The following ATP1A4 variants were observed in gnomAD, a reference collection of about 807,000 sequenced individuals.
ATP1A4 encodes the protein sodium/potassium-transporting ATPase subunit alpha-4.
Under a neutral mutation model 114.3 loss-of-function variants are expected in ATP1A4, and 90 were observed. The observed-to-expected ratio is 0.79, with a 90% CI of 0.66 to 0.94. The LOEUF is 0.94. ATP1A4 is among the 40% of genes least tolerant of loss of function. The probability of loss-of-function intolerance (pLI) is 0.00; values close to 1 mark genes in which losing one functional copy is unlikely to be tolerated. For synonymous variants in ATP1A4, 511 were observed against 494.1 expected (o/e 1.03, Z -0.45); for missense variants, 1,222 against 1,313.6 (o/e 0.93, Z 1.08).
chr1:160,153,350 T>G (rs1652526041), intron 2 of ATP1A4, 126 bp downstream of exon 2: 1 of 770,904 alleles, frequency 1.3e-6, no homozygotes, highest in Non-Finnish European at 2.2e-6. Context: ...CCTCACCCTC[T>G]GCCTGGCCAC....
chr1:160,171,594 T>C lies in ATP1A4; in HGVS notation c.1691T>C (p.Phe564Ser). Residue 564 changes from phenylalanine to serine, a missense_variant, in exon 12 of 22, where the codon TTC becomes TCC. Coordinates refer to ENST00000368081, the MANE Select transcript of ATP1A4 (RefSeq NM_144699.4). ...GLGERVLGFC[F>S]LNLPSSFSKG... Reference sequence around the variant, plus strand: ...CTCTGTCTCTCTCCAGGCTTCTGCTTCTTGAATCTGCCTAGCAGCTTCTCC... The same window carrying C: ...CTCTGTCTCTCTCCAGGCTTCTGCTCCTTGAATCTGCCTAGCAGCTTCTCC... 1 of 1,613,926 alleles carries C rather than the reference T, an allele frequency of 6.2e-7. No individual in the cohort carries two copies. Among genetic ancestry groups the C allele is most frequent in the Non-Finnish European group, 8.5e-7 (1 of 1,179,892 alleles).
chr1:160,152,469 T>C (rs920699198), intron 1 of ATP1A4, among the ~76,000 whole-genome samples: 6 of 151,914 alleles, frequency 3.9e-5, no homozygotes, highest in Non-Finnish European at 8.8e-5. Flanking sequence ...CTTATAGGGA[T>C]GGATGGGAGG....
intron 3 of ATP1A4, 124 bp from the exon 4 acceptor site, chr1:160,155,921 T>C: frequency 1.5e-6 from 1 of 645,978 alleles, no homozygotes; most frequent in Non-Finnish European, 2.8e-6. Flanking sequence ...ACCCCTCTGC[T>C]CTCAACTCAG....
At chr1:160,155,926 A>G (rs181303297) in intron 3 of ATP1A4, 119 bp from the exon 4 acceptor site, 2 of 658,764 alleles carry the variant, frequency 3.0e-6, no homozygotes, top group African/African-American at 1.8e-5. Context: ...TCTGCTCTCA[A>G]CTCAGTCTTA....
chr1:160,174,083 C>G, intron 13 of ATP1A4, 28 bp from the exon 14 acceptor site: 1 of 1,610,866 alleles, frequency 6.2e-7, no homozygotes, highest in Non-Finnish European at 8.5e-7. Flanking sequence ...ACACTCAAAA[C>G]TAGCCTTTTG....
intron 5 of ATP1A4, 103 bp from the exon 6 acceptor site, chr1:160,159,306 T>C: frequency 1.5e-6 from 2 of 1,349,132 alleles, no homozygotes; most frequent in Admixed American, 2.2e-5. Context: ...TCTCAGTCTG[T>C]CAGTGATGAT....
intron 18 of ATP1A4, 83 bp from the exon 19 acceptor site, chr1:160,181,601 C>T: frequency 4.7e-6 from 7 of 1,504,276 alleles, no homozygotes; most frequent in African/African-American, 1.4e-5. Flanking sequence ...GCCCAGGGGT[C>T]CTGGAAGGTG....
At chr1:160,175,849 T>C (rs1653441980) in intron 15 of ATP1A4, among the ~76,000 whole-genome samples, 1 of 152,170 alleles carries the variant, frequency 6.6e-6, no homozygotes, top group African/African-American at 2.4e-5. Flanking sequence ...CCAACCCTGC[T>C]AATTTTCAGA....
intron 10 of ATP1A4, chr1:160,170,575 T>G (rs968748224): frequency 7.2e-6 from 1 of 138,368 alleles, no homozygotes; most frequent in South Asian, 2.2e-4. Flanking sequence ...CACAGGTCTT[T>G]GGACTTTTTT....
At chr1:160,184,080 G>A (rs1015341832) in intron 20 of ATP1A4, among the ~76,000 whole-genome samples, 13 of 151,760 alleles carry the variant, frequency 8.6e-5, no homozygotes, top group Non-Finnish European at 1.6e-4. Context: ...AGTCTCCTGA[G>A]TAGCTGGGAT....
intron 12 of ATP1A4, 64 bp from the exon 13 acceptor site, chr1:160,173,516 AG>A: frequency 6.3e-7 from 1 of 1,582,962 alleles, no homozygotes; most frequent in East Asian, 2.3e-5. Flanking sequence ...TTCTCAGAGG[AG>A]AAAAATGAAG....
chr1:160,154,145 G>A (rs1216048063), intron 2 of ATP1A4, among the ~76,000 whole-genome samples: 1 of 152,192 alleles, frequency 6.6e-6, no homozygotes, highest in Non-Finnish European at 1.5e-5. Context: ...CTTGAGGTCA[G>A]TAGTTGGAGA....
chr1:160,156,009 G>C (rs568231726), intron 3 of ATP1A4, 36 bp from the exon 4 acceptor site: 7 of 1,275,380 alleles, frequency 5.5e-6, no homozygotes, highest in South Asian at 3.6e-5. Flanking sequence ...AGACGACAAG[G>C]TCCCACTGAT....
chr1:160,174,376 C>A, intron 14 of ATP1A4, 115 bp downstream of exon 14: 1 of 1,461,772 alleles, frequency 6.8e-7, no homozygotes, highest in Non-Finnish European at 9.2e-7. Context: ...AGAGAGTACC[C>A]CATCTGGAAC....
intron 13 of ATP1A4, 126 bp downstream of exon 13, chr1:160,173,843 A>G (rs769616023): frequency 1.6e-5 from 19 of 1,223,494 alleles, no homozygotes; most frequent in Middle Eastern, 5.3e-4. Flanking sequence ...GGTTTACACT[A>G]CAAAGTAAAA....
chr1:160,163,670 C>A (rs1652935393), intron 6 of ATP1A4, among the ~76,000 whole-genome samples: 1 of 152,124 alleles, frequency 6.6e-6, no homozygotes, highest in South Asian at 2.1e-4. Flanking sequence ...ACTTTCCAAA[C>A]CCAGTCCTTT....
rs761721153 is a variant in ATP1A4, at chr1:160,171,289, C to A, written c.1530C>A (p.His510Gln). Residue 510 changes from histidine (H) to glutamine (Q), a missense_variant, in exon 11 of 22, where the codon CAC becomes CAA. His to Gln is a conservative substitution (Grantham distance 24). Transcript: ENST00000368081. The stretch of plus-strand genomic sequence containing the variant: ...TTCGGGAGGACAGCTCCCAGACCCA[C>A]GTACTGATGATGAAGGGTGCTCCGG... ...IHLREDSSQT[H>Q]VLMMKGAPER... The A allele has an allele frequency of 6.2e-7, 1 of 1,614,014 alleles. No homozygotes were observed. Among genetic ancestry groups the A allele is most frequent in the Middle Eastern group, 1.7e-4 (1 of 6,060 alleles).
chr1:160,152,968 T>TTGC (rs1652509245), intron 1 of ATP1A4, among the ~76,000 whole-genome samples, 197 bp from the exon 2 acceptor site: 1 of 151,910 alleles, frequency 6.6e-6, no homozygotes. Context: ...GAGGCAGAGG[T>TTGC]TGCAGTGAGT....
At chr1:160,158,479 C>G (rs1011569538) in intron 4 of ATP1A4, among the ~76,000 whole-genome samples, 12 of 152,018 alleles carry the variant, frequency 7.9e-5, no homozygotes, top group African/African-American at 1.5e-4. Flanking sequence ...TGGGCTCAAG[C>G]GATCCTCCAA....
Sources: gnomAD v4.1 joint callset for allele counts (sites outside exome capture counted in the v4.1 genomes callset) on GRCh38, gnomAD v4.1.1 for gene constraint, MANE v1.5 for transcripts, NCBI Gene and HGNC (gene_info 2026-07-23, HGNC 2026-07-21) for gene names.